The following MAST4 variants were observed in gnomAD, a reference collection of about 807,000 sequenced individuals.
MAST4 encodes microtubule associated serine/threonine kinase family member 4.
A neutral mutation model predicts 162.7 loss-of-function variants in MAST4; 89 were observed. That is an observed-to-expected ratio of 0.55 (90% CI 0.46 to 0.65). MAST4 has a LOEUF of 0.65. MAST4 is among the 30% of genes least tolerant of loss of function. The probability of loss-of-function intolerance (pLI) is 0.00; values close to 1 mark genes in which losing one functional copy is unlikely to be tolerated. For synonymous variants in MAST4, 1,479 were observed against 1,361.1 expected (o/e 1.09, Z -1.91); for missense variants, 3,153 against 3,374.0 (o/e 0.93, Z 1.62).
intron 19 of MAST4, among the ~76,000 whole-genome samples, chr5:67,141,425 C>T (rs1389330686): frequency 6.6e-6 from 1 of 152,060 alleles, no homozygotes; most frequent in East Asian, 1.9e-4. Context: ...TTTTTGATGA[C>T]CTGTCCTTTA....
intron 1 of MAST4, among the ~76,000 whole-genome samples, chr5:66,686,478 C>T (rs190176581): frequency 1.9e-3 from 290 of 152,254 alleles, no homozygotes; most frequent in South Asian, 4.4e-3. Flanking sequence ...TGTCATGAAA[C>T]TAAAGCTATT....
rs1770944035 is a variant in MAST4, at chr5:67,145,320, C to T, written c.3035C>T (p.Ala1012Val). The change falls in exon 23 of 29, where the codon GCC becomes GTC. Residue 1012 changes from alanine (A) to valine (V), a missense_variant. Physicochemically the swap from Ala to Val is moderately conservative, Grantham distance 64 (BLOSUM62 0). Transcript: ENST00000403625. ...GKPALPPEEC[A>V]QEEPEVTTPA... is the part of the protein sequence containing the mutation. ...CCAGCCCTTCCTCCTGAAGAGTGTG[C>T]CCAGGAGGAGCCTGAGGTCACCACC... is the stretch of plus-strand genomic sequence containing the variant. 6.2e-7 allele frequency: 1 copy of T among 1,613,682 alleles called. No homozygotes were observed. Among genetic ancestry groups the T allele is most frequent in the Non-Finnish European group, 8.5e-7 (1 of 1,179,852 alleles).
At chr5:66,969,358 C>A (rs946346457) in intron 4 of MAST4, among the ~76,000 whole-genome samples, 2 of 152,172 alleles carry the variant, frequency 1.3e-5, no homozygotes, top group African/African-American at 4.8e-5. Context: ...CACATGTAAG[C>A]TTTGTGACCC....
intron 3 of MAST4, among the ~76,000 whole-genome samples, chr5:66,820,383 A>G (rs1756935874): frequency 6.6e-6 from 1 of 152,190 alleles, no homozygotes; most frequent in Admixed American, 6.5e-5. Context: ...TTCAATTGAT[A>G]GGTATCATAC....
chr5:66,907,111 GA>G (rs1763402694), intron 4 of MAST4, among the ~76,000 whole-genome samples: 1 of 148,670 alleles, frequency 6.7e-6, no homozygotes, highest in South Asian at 2.1e-4. Flanking sequence ...GAAGGGTGGG[GA>G]AAATGGAATT....
At chr5:66,662,654 A>G (rs1746985415) in intron 1 of MAST4, 1 of 152,194 alleles carries the variant, frequency 6.6e-6, no homozygotes, top group Non-Finnish European at 1.5e-5. Flanking sequence ...AGCATGCCGG[A>G]TGCCTTTTAT....
intron 4 of MAST4, among the ~76,000 whole-genome samples, chr5:66,976,577 C>G (rs1309317602): frequency 6.6e-6 from 1 of 152,168 alleles, no homozygotes; most frequent in African/African-American, 2.4e-5. Flanking sequence ...CTCCCTCTGC[C>G]CACAACTTTG....
At chr5:66,968,382 C>T (rs1201520840) in intron 4 of MAST4, among the ~76,000 whole-genome samples, 1 of 152,156 alleles carries the variant, frequency 6.6e-6, no homozygotes, top group Non-Finnish European at 1.5e-5. Context: ...GCTGTTTCTT[C>T]TCCTTCCATC....
At chr5:66,929,133 A>G (rs1741870163) in intron 4 of MAST4, among the ~76,000 whole-genome samples, 1 of 152,322 alleles carries the variant, frequency 6.6e-6, no homozygotes, top group South Asian at 2.1e-4. Flanking sequence ...GGTTCAGCAC[A>G]ATACAAGTCT....
chr5:67,108,494 G>T (rs1366396066), intron 10 of MAST4, among the ~76,000 whole-genome samples: 1 of 152,106 alleles, frequency 6.6e-6, no homozygotes, highest in Non-Finnish European at 1.5e-5. Context: ...AAAATTTAAA[G>T]ACAGTTTCAA....
chr5:67,047,826 C>G (rs1757562356), intron 4 of MAST4, among the ~76,000 whole-genome samples: 1 of 152,146 alleles, frequency 6.6e-6, no homozygotes, highest in Admixed American at 6.5e-5. Context: ...AGGCAGAGAA[C>G]AGCTTTGTTG....
intron 15 of MAST4, among the ~76,000 whole-genome samples, chr5:67,131,376 C>T (rs911436775): frequency 6.6e-6 from 1 of 152,118 alleles, no homozygotes; most frequent in Non-Finnish European, 1.5e-5. Flanking sequence ...AGAATTCTAA[C>T]AAAGATGGTA....
chr5:67,087,475 G>A (rs1763370212), intron 5 of MAST4, among the ~76,000 whole-genome samples: 1 of 152,104 alleles, frequency 6.6e-6, no homozygotes, highest in South Asian at 2.1e-4. Context: ...CAGCTCATTG[G>A]CTTTCCCAGT....
intron 5 of MAST4, among the ~76,000 whole-genome samples, chr5:67,078,841 AATATATTT>A (rs1370330541): frequency 6.0e-4 from 60 of 100,800 alleles, no homozygotes; most frequent in Non-Finnish European, 9.1e-4. Context: ...TATATATTTA[AATATATTT>A]ATATATTTAT....
rs376192427 is a variant in MAST4, at chr5:67,149,582, C to T, written c.3288C>T (p.Ile1096=). The change falls in exon 24 of 29, where the codon ATC becomes ATT. Residue 1096 remains isoleucine (I), a synonymous_variant. Transcript: ENST00000403625. The part of the protein sequence containing the change: ...SLSASALSLM[I]PGDMFAVSPL... ...CTGCCAGTGCTCTTTCCCTCATGAT[C>T]CCAGGAGGTAGAGAGATACTACTTG... is the stretch of plus-strand genomic sequence containing the variant. 3 of 1,613,270 alleles carry T rather than the reference C, an allele frequency of 1.9e-6. No individual in the cohort carries two copies. Among genetic ancestry groups the T allele is most frequent in the African/African-American group, 2.7e-5 (2 of 74,890 alleles).
intron 3 of MAST4, among the ~76,000 whole-genome samples, chr5:66,794,964 G>A (rs1259654853): frequency 1.3e-5 from 2 of 152,150 alleles, no homozygotes; most frequent in Non-Finnish European, 2.9e-5. Context: ...CTAAATGTAT[G>A]CAAAAGTGTA....
intron 4 of MAST4, among the ~76,000 whole-genome samples, chr5:66,939,147 A>G (rs1743092198): frequency 6.6e-6 from 1 of 152,148 alleles, no homozygotes; most frequent in African/African-American, 2.4e-5. Context: ...AGAAAAACAG[A>G]TGGAAATTTG....
chr5:66,853,972 G>C (rs986810891), intron 3 of MAST4, among the ~76,000 whole-genome samples: 1 of 152,138 alleles, frequency 6.6e-6, no homozygotes, highest in Non-Finnish European at 1.5e-5. Context: ...AAATAAGTTA[G>C]GGAAGTTGCA....
chr5:67,154,352 T>C (rs1772229898), intron 26 of MAST4, among the ~76,000 whole-genome samples: 1 of 152,266 alleles, frequency 6.6e-6, no homozygotes, highest in African/African-American at 2.4e-5. Flanking sequence ...ATCATATGTC[T>C]GTTCACAACA....
Sources: allele counts gnomAD v4.1 joint callset (sites outside exome capture counted in the v4.1 genomes callset), GRCh38; gene constraint gnomAD v4.1.1; transcripts MANE v1.5; gene names NCBI Gene and HGNC (gene_info 2026-07-23, HGNC 2026-07-21).